DPP6: variants seen among roughly 807,000 people sequenced by gnomAD.
The protein encoded by DPP6 is dipeptidyl peptidase like 6.
In DPP6, 69 loss-of-function variants were observed where a neutral mutation model predicts 122.6. The ratio of observed to expected loss-of-function variants is 0.56; its 90% CI spans 0.46 to 0.69. DPP6 has a LOEUF of 0.69. DPP6 is among the 30% of genes least tolerant of loss of function. DPP6 has a pLI of 0.00. For missense variants in DPP6, 928 were observed against 1,116.9 expected (o/e 0.83, Z 2.41); for synonymous variants, 418 against 433.1 (o/e 0.97, Z 0.43).
At chr7:153,826,573 G>T in the DPP6 span, among the ~76,000 whole-genome samples, 6 of 152,072 alleles carry the variant, frequency 3.9e-5, no homozygotes. Flanking sequence ...TTAATGATTA[G>T]ATACAAAAGG....
At chr7:154,051,507 G>A (rs1439409564), upstream of DPP6, among the ~76,000 whole-genome samples, 1 of 148,794 alleles carries the variant, frequency 6.7e-6, no homozygotes, top group African/African-American at 2.5e-5. Context: ...CCGCTGGTGC[G>A]GGTGTCCACA....
intron 3 of DPP6, chr7:154,475,406 A>G: frequency 3.3e-6 from 1 of 306,076 alleles, no homozygotes; most frequent in South Asian, 2.9e-5. Flanking sequence ...CCTTCTCCAC[A>G]ATCTTCATTC....
intron 1 of DPP6, among the ~76,000 whole-genome samples, chr7:153,912,553 C>T (rs1294293192): frequency 6.6e-6 from 1 of 152,120 alleles, no homozygotes; most frequent in Non-Finnish European, 1.5e-5. Flanking sequence ...GCAGCATTTC[C>T]TACAGAGCTA....
intron 1 of DPP6, among the ~76,000 whole-genome samples, chr7:154,435,028 T>G (rs2010347): frequency 0.69 from 104,430 of 151,754 alleles, 36,007 homozygotes; most frequent in East Asian, 0.79. Context: ...GTAGAGATAG[T>G]GTTTCACCAT....
At chr7:154,358,717 T>C (rs1811475819) in intron 1 of DPP6, among the ~76,000 whole-genome samples, 1 of 152,196 alleles carries the variant, frequency 6.6e-6, no homozygotes, top group Non-Finnish European at 1.5e-5. Flanking sequence ...ATTTCTTCTT[T>C]TGTTTTGAGA....
intron 3 of DPP6, among the ~76,000 whole-genome samples, chr7:154,528,107 A>C (rs1248429856): frequency 6.6e-6 from 1 of 152,198 alleles, no homozygotes; most frequent in Non-Finnish European, 1.5e-5. Context: ...AAATGAGATG[A>C]GTGGCATATT....
chr7:153,847,809 C>T, the DPP6 span, among the ~76,000 whole-genome samples: 5 of 152,112 alleles, frequency 3.3e-5, no homozygotes, highest in African/African-American at 4.8e-5. Flanking sequence ...TTTTTGCATG[C>T]GTCTGCAGTT....
chr7:154,858,754 C>G (rs1803055309), intron 17 of DPP6, among the ~76,000 whole-genome samples: 1 of 152,210 alleles, frequency 6.6e-6, no homozygotes, highest in African/African-American at 2.4e-5. Context: ...GGGTCATACT[C>G]CATGCACTGT....
chr7:154,402,288 C>T (rs2151188457), intron 1 of DPP6, among the ~76,000 whole-genome samples: 1 of 152,092 alleles, frequency 6.6e-6, no homozygotes, highest in East Asian at 1.9e-4. Flanking sequence ...GCTATAAAGA[C>T]ACATGCACAC....
chr7:154,779,286 C>T (rs1250543400), intron 10 of DPP6, among the ~76,000 whole-genome samples: 1 of 90,198 alleles, frequency 1.1e-5, no homozygotes, highest in Non-Finnish European at 2.9e-5. Context: ...TCCACCACCA[C>T]CCCCACTACT....
intron 2 of DPP6, among the ~76,000 whole-genome samples, chr7:154,449,385 C>T (rs942874603): frequency 1.3e-5 from 2 of 152,176 alleles, no homozygotes; most frequent in African/African-American, 4.8e-5. Context: ...TACCACTTCA[C>T]ATCCACTAGG....
the DPP6 span, among the ~76,000 whole-genome samples, chr7:153,769,866 C>T: frequency 1.4e-4 from 22 of 152,226 alleles, no homozygotes; most frequent in East Asian, 5.8e-4. Context: ...TCAAGTCAGA[C>T]GTCAATAGGC....
chr7:154,201,104 G>C (rs1404134006), intron 1 of DPP6, among the ~76,000 whole-genome samples: 9 of 152,036 alleles, frequency 5.9e-5, no homozygotes, highest in Admixed American at 1.3e-4. Flanking sequence ...AGTTGTGGGT[G>C]GTGGGGAAAG....
At chr7:154,141,969 A>G (rs1448450203) in intron 1 of DPP6, among the ~76,000 whole-genome samples, 3 of 152,196 alleles carry the variant, frequency 2.0e-5, no homozygotes, top group Non-Finnish European at 2.9e-5. Context: ...AGCAGGACCA[A>G]TCAAAAGGAG....
At chr7:154,317,688 C>T (rs1047760901) in intron 1 of DPP6, among the ~76,000 whole-genome samples, 1 of 152,052 alleles carries the variant, frequency 6.6e-6, no homozygotes, top group African/African-American at 2.4e-5. Context: ...GAATTATGGC[C>T]CCAGTAATGA....
At chr7:153,945,083 C>T (rs894559209) in intron 1 of DPP6, among the ~76,000 whole-genome samples, 1 of 152,126 alleles carries the variant, frequency 6.6e-6, no homozygotes, top group Admixed American at 6.5e-5. Flanking sequence ...CGGCAGACTG[C>T]AGGCTCTGAA....
chr7:154,015,574 T>C (rs1348179863), intron 1 of DPP6, among the ~76,000 whole-genome samples: 1 of 152,168 alleles, frequency 6.6e-6, no homozygotes, highest in Non-Finnish European at 1.5e-5. Flanking sequence ...GTGTTCCATC[T>C]CAGTAAATGG....
At chr7:154,414,273 G>A (rs981801936) in intron 1 of DPP6, among the ~76,000 whole-genome samples, 1 of 152,188 alleles carries the variant, frequency 6.6e-6, no homozygotes, top group Non-Finnish European at 1.5e-5. Flanking sequence ...CTAGCACAAA[G>A]ATCTTTTCAG....
At chr7:154,341,565 T>C (rs1250054920) in intron 1 of DPP6, among the ~76,000 whole-genome samples, 1 of 151,974 alleles carries the variant, frequency 6.6e-6, no homozygotes, top group Non-Finnish European at 1.5e-5. Context: ...TGATTCTTTC[T>C]TGGAAGCTGC....
Sources: allele counts gnomAD v4.1 joint callset (sites outside exome capture counted in the v4.1 genomes callset), GRCh38; gene constraint gnomAD v4.1.1; transcripts MANE v1.5; gene names NCBI Gene and HGNC (gene_info 2026-07-23, HGNC 2026-07-21).